ZNF618: variants seen among roughly 807,000 people sequenced by gnomAD.
ZNF618 encodes the protein neural precursor cell expressed, developmentally down-regulated 10.
Under a neutral mutation model 103.0 loss-of-function variants are expected in ZNF618, and 34 were observed. That is an observed-to-expected ratio of 0.33 (90% CI 0.25 to 0.44). The LOEUF (loss-of-function observed/expected upper bound fraction) is 0.44, where lower values mean the gene tolerates loss of function less well. Among genes scored for constraint, ZNF618 ranks in the 20% least tolerant of loss-of-function variants. The pLI is 1.00. For synonymous variants in ZNF618, 551 were observed against 542.2 expected (o/e 1.02, Z -0.23); for missense variants, 1,059 against 1,295.4 (o/e 0.82, Z 2.80).
At chr9:113,889,350 T>TCTCCCTCCCTCCCTCC (rs1554718054) in intron 1 of ZNF618, among the ~76,000 whole-genome samples, 5 of 148,450 alleles carry the variant, frequency 3.4e-5, no homozygotes, top group East Asian at 4.8e-4. Flanking sequence ...TCTCTCTTTC[T>TCTCCCTCCCTCCCTCC]CTCCCTCCCT....
chr9:113,977,047 G>A (rs1454872744), intron 2 of ZNF618, among the ~76,000 whole-genome samples: 2 of 152,200 alleles, frequency 1.3e-5, no homozygotes, highest in Non-Finnish European at 2.9e-5. Context: ...CGTCCAGGCA[G>A]TGAGCAAACC....
chr9:113,973,408 A>G (rs1838188481), intron 2 of ZNF618, among the ~76,000 whole-genome samples: 1 of 152,166 alleles, frequency 6.6e-6, no homozygotes, highest in Admixed American at 6.5e-5. Context: ...TTATTTCTCC[A>G]GAGGGCCTCT....
At chr9:114,011,567 G>A (rs1409991604) in intron 9 of ZNF618, among the ~76,000 whole-genome samples, 2 of 152,226 alleles carry the variant, frequency 1.3e-5, no homozygotes, top group African/African-American at 4.8e-5. Flanking sequence ...CAAAAACGTT[G>A]CTTCTTCGGC....
In ZNF618 at chr9:114,007,452, CCTCA is replaced by C. The variant is rs1372469564; in HGVS notation, c.640+17_640+20del. ...CACGCAGTGGATGGTGAGTCAGGCC[CCTCA>C]CTCCCTGGAGTCATGCCAAGAGGCG... On this transcript the variant is annotated intron_variant, in intron 7 of 14. Coordinates refer to ENST00000374126, the MANE Select transcript of ZNF618 (RefSeq NM_001318042.2). The C allele has an allele frequency of 2.6e-5, 42 of 1,612,150 alleles. No individual in the cohort carries two copies. Among genetic ancestry groups the C allele is most frequent in the Non-Finnish European group, 3.6e-5 (42 of 1,179,432 alleles).
At chr9:113,993,049 T>G (rs1230607862) in intron 3 of ZNF618, among the ~76,000 whole-genome samples, 2 of 152,118 alleles carry the variant, frequency 1.3e-5, no homozygotes, top group African/African-American at 4.8e-5. Context: ...CTTAATAACT[T>G]TGCTGGATAA....
intron 1 of ZNF618, among the ~76,000 whole-genome samples, chr9:113,887,671 A>AGGGT (rs1829205746): frequency 6.6e-6 from 1 of 152,280 alleles, no homozygotes; most frequent in African/African-American, 2.4e-5. Flanking sequence ...CAGAGCTGGC[A>AGGGT]GGGTGGGGAG....
chr9:113,887,031 C>T (rs1393687327), intron 1 of ZNF618, among the ~76,000 whole-genome samples: 3 of 131,242 alleles, frequency 2.3e-5, no homozygotes, highest in Non-Finnish European at 4.7e-5. Flanking sequence ...ATTTGAAATT[C>T]CCTCCATGGC....
At chr9:113,904,426 CT>C (rs1419590661) in intron 1 of ZNF618, among the ~76,000 whole-genome samples, 4 of 152,234 alleles carry the variant, frequency 2.6e-5, no homozygotes, top group Admixed American at 2.6e-4. Context: ...TTTTCTGCTG[CT>C]TTCATGCCTA....
rs748521026 is a variant in ZNF618, at chr9:114,028,693, C to T, written c.845-40C>T. The T allele has an allele frequency of 7.8e-6, 12 of 1,530,186 alleles. No homozygotes were observed. The South Asian group carries it at 1.1e-4, about 14-fold the overall frequency. The allele number at this position is 1,530,186 out of a possible 1,614,324, so 94.8% of individuals were successfully genotyped here. A position where few individuals can be genotyped will look rare whatever the true frequency, so the allele number is the denominator to read the frequency against. ...CCCGAGAGGCCACTCACTCTGCCGGCTGGGAGGGCCCTCGGGGACTGAGAG... is the reference window on the plus strand; with the variant it reads ...CCCGAGAGGCCACTCACTCTGCCGGTTGGGAGGGCCCTCGGGGACTGAGAG... On this transcript the variant is annotated intron_variant, in intron 10 of 14. Coordinates refer to ENST00000374126, the MANE Select transcript of ZNF618 (RefSeq NM_001318042.2).
intron 13 of ZNF618, 81 bp downstream of exon 13, chr9:114,036,458 C>T: frequency 1.4e-6 from 2 of 1,435,186 alleles, no homozygotes; most frequent in Admixed American, 2.0e-5. Context: ...TGACCTGAGG[C>T]CCCTGGAGAA....
chr9:113,910,766 T>C (rs1831462979), intron 1 of ZNF618, among the ~76,000 whole-genome samples: 1 of 152,078 alleles, frequency 6.6e-6, no homozygotes, highest in Non-Finnish European at 1.5e-5. Flanking sequence ...GACAAGAGGC[T>C]CAGAGCCCAG....
chr9:113,907,091 T>C (rs979610250), intron 1 of ZNF618, among the ~76,000 whole-genome samples: 26 of 152,232 alleles, frequency 1.7e-4, no homozygotes, highest in African/African-American at 6.3e-4. Flanking sequence ...AAGGCTCTCA[T>C]TGGCCCAATG....
chr9:114,031,511 C>G lies in ZNF618; in HGVS notation c.1085-1134C>G, dbSNP rs553217742. ...TCCCCATGACCATCCGCAACCCTGG[C>G]ACCCACAAACTAAGCACTTGCTCTT... On this transcript the variant is annotated intron_variant, in intron 11 of 14. Transcript: ENST00000374126. Among the ~76,000 whole-genome samples, 53 of 152,342 alleles carry G rather than the reference C, an allele frequency of 3.5e-4. 1 individual carries two copies. The South Asian group carries it at 0.01, about 29-fold the overall frequency.
chr9:113,951,203 G>A (rs369811130), intron 1 of ZNF618, among the ~76,000 whole-genome samples: 1 of 151,072 alleles, frequency 6.6e-6, no homozygotes, highest in Non-Finnish European at 1.5e-5. Flanking sequence ...TGGGGTGGTC[G>A]CTTAACCTCT....
chr9:113,892,728 T>C (rs1172508115), intron 1 of ZNF618, among the ~76,000 whole-genome samples: 1 of 152,222 alleles, frequency 6.6e-6, no homozygotes, highest in East Asian at 1.9e-4. Context: ...ATATAGGTTT[T>C]GTTGTACTTA....
intron 10 of ZNF618, among the ~76,000 whole-genome samples, chr9:114,021,124 C>G (rs1843040254): frequency 6.6e-6 from 1 of 151,946 alleles, no homozygotes; most frequent in African/African-American, 2.4e-5. Flanking sequence ...TTTATTAAAA[C>G]ACGTTAAGAA....
At chr9:113,907,461 C>T (rs1306002216) in intron 1 of ZNF618, among the ~76,000 whole-genome samples, 4 of 152,218 alleles carry the variant, frequency 2.6e-5, no homozygotes, top group African/African-American at 4.8e-5. Flanking sequence ...ACTTGCTGGC[C>T]GTTCACTGTT....
At chr9:113,945,414 G>T (rs779848456) in intron 1 of ZNF618, among the ~76,000 whole-genome samples, 1 of 152,238 alleles carries the variant, frequency 6.6e-6, no homozygotes. Context: ...TTATTGGTGA[G>T]ATCTTGGCTT....
chr9:114,047,806 G>C, intron 13 of ZNF618, 87 bp from the exon 14 acceptor site: 1 of 1,177,160 alleles, frequency 8.5e-7, no homozygotes, highest in South Asian at 1.4e-5. Flanking sequence ...ACATTCTGCT[G>C]TTACCCACCA....
Sources: gnomAD v4.1 joint callset for allele counts (sites outside exome capture counted in the v4.1 genomes callset) on GRCh38, gnomAD v4.1.1 for gene constraint, MANE v1.5 for transcripts, NCBI Gene and HGNC (gene_info 2026-07-23, HGNC 2026-07-21) for gene names.